The following PTBP3 variants were observed in gnomAD, a reference collection of about 807,000 sequenced individuals.
PTBP3 encodes polypyrimidine tract binding protein 3.
A neutral mutation model predicts 58.7 loss-of-function variants in PTBP3; 20 were observed. That is an observed-to-expected ratio of 0.34 (90% CI 0.24 to 0.50). PTBP3 has a LOEUF of 0.50. PTBP3 is among the 20% of genes least tolerant of loss of function. The pLI is 0.98. For synonymous variants in PTBP3, 185 were observed against 219.8 expected (o/e 0.84, Z 1.40); for missense variants, 509 against 637.2 (o/e 0.80, Z 2.17).
At chr9:112,257,940 C>CAAAAAA (rs56934009) in intron 5 of PTBP3, among the ~76,000 whole-genome samples, 6 of 119,340 alleles carry the variant, frequency 5.0e-5, no homozygotes, top group Admixed American at 1.7e-4. Flanking sequence ...GACTCCATCT[C>CAAAAAA]AAAAAAAAAA....
At chr9:112,310,678 A>G (rs1829437698) in intron 1 of PTBP3, among the ~76,000 whole-genome samples, 1 of 152,226 alleles carries the variant, frequency 6.6e-6, no homozygotes, top group African/African-American at 2.4e-5. Context: ...ATTATGTCCT[A>G]AAGTCTTAAG....
At position 112,219,323 on chromosome 9, in the gene PTBP3, A is replaced by G. The variant is rs763681512; in HGVS notation, c.*4528T>C. On this transcript the variant is annotated 3_prime_UTR_variant, in exon 14 of 14. Transcript: ENST00000374257. Reference sequence around the variant, plus strand: ...AAAAGGCCAGAGTATGATTTTTTTAATGGCATCAAAAAAATAGCTATTTAA... The same window carrying G: ...AAAAGGCCAGAGTATGATTTTTTTAGTGGCATCAAAAAAATAGCTATTTAA... 1 of 152,530 alleles carries G rather than the reference A, an allele frequency of 6.6e-6. No individual in the cohort carries two copies. The highest frequency in any genetic ancestry group is 1.5e-5 in the Non-Finnish European group (1 of 68,038). The allele number at this position is 152,530 out of a possible 1,614,324, so 9.4% of individuals were successfully genotyped here. A position where few individuals can be genotyped will look rare whatever the true frequency, so the allele number is the denominator to read the frequency against.
intron 3 of PTBP3, among the ~76,000 whole-genome samples, chr9:112,271,398 C>T (rs2132176526): frequency 6.6e-6 from 1 of 152,306 alleles, no homozygotes; most frequent in East Asian, 1.9e-4. Flanking sequence ...TAGAGCACCT[C>T]ATTTTCAGAT....
rs781194883 is a variant in PTBP3 at position 112,276,020 on chromosome 9, A to G, written c.35-7T>C. 1.9e-6 allele frequency: 3 copies of G among 1,607,224 alleles called. No individual in the cohort carries two copies. The highest frequency in any genetic ancestry group is 1.3e-5 in the African/African-American group (1 of 74,706). ...TTGCTGTCATTCCCATTAGCTAAAA[A>G]ACATAAGATTCTTTTTTAAATTACT... is the stretch of plus-strand genomic sequence containing the variant. On this transcript the variant is annotated splice_region_variant and splice_polypyrimidine_tract_variant and intron_variant, in intron 2 of 13. Coordinates refer to ENST00000374257, the MANE Select transcript of PTBP3 (RefSeq NM_001163788.4).
the PTBP3 span, among the ~76,000 whole-genome samples, chr9:112,343,723 G>A: frequency 2.6e-5 from 4 of 151,670 alleles, no homozygotes; most frequent in African/African-American, 7.3e-5. Flanking sequence ...CCCAGGAGGC[G>A]GAGTTTGCAG....
upstream of PTBP3, among the ~76,000 whole-genome samples, chr9:112,338,260 G>T (rs943337127): frequency 9.9e-5 from 15 of 152,244 alleles, no homozygotes; most frequent in East Asian, 2.3e-3. Context: ...TTGATTATGG[G>T]GTGGTTATAC....
chr9:112,333,657 G>A, upstream of PTBP3: 1 of 587,318 alleles, frequency 1.7e-6, no homozygotes, highest in Non-Finnish European at 2.7e-6. Flanking sequence ...TCCCGCCACC[G>A]CCGCGCCCCC....
chr9:112,228,121 A>G (rs1252443915), intron 11 of PTBP3, among the ~76,000 whole-genome samples: 1 of 152,218 alleles, frequency 6.6e-6, no homozygotes, highest in Non-Finnish European at 1.5e-5. Context: ...CATGCTTATT[A>G]AACTTAACGG....
At chr9:112,302,957 A>G (rs1021204278) in intron 1 of PTBP3, among the ~76,000 whole-genome samples, 4 of 152,072 alleles carry the variant, frequency 2.6e-5, no homozygotes, top group African/African-American at 9.7e-5. Context: ...TAAGTTACTC[A>G]TGTTTTTTTT....
At chr9:112,362,942 T>C in the PTBP3 span, 1 of 261,884 alleles carries the variant, frequency 3.8e-6, no homozygotes, top group South Asian at 5.1e-5. Context: ...TGGAAGTTTC[T>C]GGTACGCATT....
intron 12 of PTBP3, among the ~76,000 whole-genome samples, chr9:112,225,094 G>A (rs756761047): frequency 3.3e-5 from 5 of 152,154 alleles, no homozygotes; most frequent in African/African-American, 9.7e-5. Flanking sequence ...GTTAAGCTGT[G>A]AAGTCTGGGG....
chr9:112,370,478 T>C, the PTBP3 span, among the ~76,000 whole-genome samples: 10 of 151,962 alleles, frequency 6.6e-5, no homozygotes, highest in Non-Finnish European at 1.5e-4. Flanking sequence ...GAGGTGGAGG[T>C]TGCAGTGAAC....
At chr9:112,368,945 G>A in the PTBP3 span, among the ~76,000 whole-genome samples, 1 of 152,224 alleles carries the variant, frequency 6.6e-6, no homozygotes, top group African/African-American at 2.4e-5. Flanking sequence ...GCTAAAAGGG[G>A]CCAATGTACA....
the PTBP3 span, among the ~76,000 whole-genome samples, chr9:112,342,454 C>T: frequency 5.9e-5 from 9 of 152,270 alleles, no homozygotes; most frequent in East Asian, 9.7e-4. Flanking sequence ...CAGTGGCTCA[C>T]GCCTGTAATC....
intron 1 of PTBP3, among the ~76,000 whole-genome samples, chr9:112,324,241 G>T (rs1830064209): frequency 6.6e-6 from 1 of 152,066 alleles, no homozygotes; most frequent in South Asian, 2.1e-4. Flanking sequence ...CAATGGACCT[G>T]CGAAAAGTTT....
chr9:112,310,243 G>C (rs1236905055), intron 1 of PTBP3, among the ~76,000 whole-genome samples: 1 of 152,170 alleles, frequency 6.6e-6, no homozygotes, highest in Admixed American at 6.5e-5. Flanking sequence ...AAAAACTACT[G>C]TTTGGACACA....
At chr9:112,269,875 G>A (rs970906282) in intron 3 of PTBP3, among the ~76,000 whole-genome samples, 2 of 151,182 alleles carry the variant, frequency 1.3e-5, no homozygotes, top group African/African-American at 4.9e-5. Context: ...GTGTTTCTAG[G>A]AAGAAACAAG....
intron 1 of PTBP3, among the ~76,000 whole-genome samples, chr9:112,324,669 A>C (rs998211402): frequency 6.6e-6 from 1 of 151,576 alleles, no homozygotes; most frequent in African/African-American, 2.4e-5. Context: ...TTTAAAAAAA[A>C]ACAACTTTAA....
chr9:112,318,067 C>A (rs1829779871), intron 1 of PTBP3, among the ~76,000 whole-genome samples: 1 of 152,118 alleles, frequency 6.6e-6, no homozygotes, highest in South Asian at 2.1e-4. Context: ...TACCAAAGAA[C>A]AACAAACAAG....
Sources: gnomAD v4.1 joint callset for allele counts (sites outside exome capture counted in the v4.1 genomes callset) on GRCh38, gnomAD v4.1.1 for gene constraint, MANE v1.5 for transcripts, NCBI Gene and HGNC (gene_info 2026-07-23, HGNC 2026-07-21) for gene names.